STRN: variants seen among roughly 807,000 people sequenced by gnomAD.
The protein encoded by STRN is protein phosphatase 2 regulatory subunit B'''alpha.
In STRN, 53 loss-of-function variants were observed where a neutral mutation model predicts 96.3. That is an observed-to-expected ratio of 0.55 (90% CI 0.44 to 0.69). The LOEUF (loss-of-function observed/expected upper bound fraction) is 0.69, where lower values mean the gene tolerates loss of function less well. Among genes scored for constraint, STRN ranks in the 30% least tolerant of loss-of-function variants. STRN has a pLI of 0.00. For synonymous variants in STRN, 428 were observed against 355.9 expected (o/e 1.20, Z -2.28); for missense variants, 987 against 963.9 (o/e 1.02, Z -0.32).
rs1200197215 is a variant in STRN at position 36,845,817 on chromosome 2, C to A, written c.*3639G>T. The A allele has an allele frequency of 6.6e-6, 1 of 151,046 alleles. No homozygotes were observed. Among genetic ancestry groups the A allele is most frequent in the African/African-American group, 2.4e-5 (1 of 41,052 alleles). 9.4% of individuals were successfully genotyped at this position (151,046 alleles called of 1,614,324 possible). On this transcript the variant is annotated 3_prime_UTR_variant, in exon 18 of 18. Coordinates refer to ENST00000263918, the MANE Select transcript of STRN (RefSeq NM_003162.4). ...AGCGCATGAAATGTCCCCTGAAGTC[C>A]TAGAAGTTGAGCAGATACATTAAAA...
intron 1 of STRN, among the ~76,000 whole-genome samples, chr2:36,937,719 A>C (rs1670742929): frequency 6.6e-6 from 1 of 151,628 alleles, no homozygotes; most frequent in South Asian, 2.1e-4. Context: ...GGAAATAAGA[A>C]AGAAAAGAAA....
rs1202163319 is a variant in STRN at position 36,839,290 on chromosome 2, C to T, written c.*10166G>A. Among the ~76,000 whole-genome samples, 1 of 152,022 alleles carries T rather than the reference C, an allele frequency of 6.6e-6. No individual in the cohort carries two copies. Among genetic ancestry groups the T allele is most frequent in the Non-Finnish European group, 1.5e-5 (1 of 68,020 alleles). Reference sequence around the variant, plus strand: ...AATATTCCCTATATTTTCACTTGTTCCCCCACCTGGAATGTGCTGCATCAG... The same window carrying T: ...AATATTCCCTATATTTTCACTTGTTTCCCCACCTGGAATGTGCTGCATCAG... On this transcript the variant is annotated 3_prime_UTR_variant, in exon 18 of 18. Coordinates refer to ENST00000263918, the MANE Select transcript of STRN (RefSeq NM_003162.4).
At chr2:36,893,356 AATGACCTTTTTTTT>A (rs1466347434) in intron 7 of STRN, among the ~76,000 whole-genome samples, 4 of 152,224 alleles carry the variant, frequency 2.6e-5, no homozygotes, top group Non-Finnish European at 5.9e-5. Flanking sequence ...GGAAAAATTA[AATGACCTTTTTTTT>A]ATGAGACGGA....
At position 36,853,113 on chromosome 2, in the gene STRN, C is replaced by T. The variant is rs374201577; in HGVS notation, c.1979-2006G>A. Reference sequence around the variant, plus strand: ...TGGAGGTTGCAGTAAGCTGAGATCGCACCACTGCACTCCAGCCTGGGCAAC... The same window carrying T: ...TGGAGGTTGCAGTAAGCTGAGATCGTACCACTGCACTCCAGCCTGGGCAAC... On this transcript the variant is annotated intron_variant, in intron 15 of 17. Transcript: ENST00000263918. Among the ~76,000 whole-genome samples, 30 of 151,904 alleles carry T rather than the reference C, an allele frequency of 2.0e-4. No homozygotes were observed. The East Asian group carries it at 4.5e-3, about 23-fold the overall frequency.
intron 3 of STRN, among the ~76,000 whole-genome samples, chr2:36,915,250 TATATATATATATATATATATATAA>T (rs1232547853): frequency 2.6e-5 from 3 of 115,390 alleles, no homozygotes; most frequent in Non-Finnish European, 5.1e-5. Flanking sequence ...TATATATATA[TATATATATATATATATATATATAA>T]AGCCTCTAGC....
Position 36,878,186 on chromosome 2 carries a change from A to C in STRN, c.1187-159T>G, listed in dbSNP as rs539680631. Among the ~76,000 whole-genome samples, 79 of 152,362 alleles carry C rather than the reference A, an allele frequency of 5.2e-4. 1 individual carries two copies. In the South Asian group the frequency reaches 0.016, roughly 32 times the overall value. ...ATTCAGTGAGCAGAAAATCCTAAAT[A>C]ATTTATTGCTTTTTCCATATCTTAA... On this transcript the variant is annotated intron_variant, in intron 9 of 17. Coordinates refer to ENST00000263918, the MANE Select transcript of STRN (RefSeq NM_003162.4).
intron 3 of STRN, among the ~76,000 whole-genome samples, chr2:36,911,270 G>A (rs564904517): frequency 6.6e-6 from 1 of 152,202 alleles, no homozygotes; most frequent in South Asian, 2.1e-4. Context: ...CATATCTTAG[G>A]TCTTATCATC....
rs1668315116 is a variant in STRN, at chr2:36,855,244, C to T, written c.1946G>A (p.Arg649His). Residue 649 changes from arginine to histidine, a missense_variant, in exon 15 of 18, where the codon CGC becomes CAC. Coordinates refer to ENST00000263918, the MANE Select transcript of STRN (RefSeq NM_003162.4). ...TACATTGGATTCTAAAGTGAGAATGCGTTGTTGTGTTTCCATGTTAAAAAT... is the reference window on the plus strand; with the variant it reads ...TACATTGGATTCTAAAGTGAGAATGTGTTGTTGTGTTTCCATGTTAAAAAT... Reference protein sequence around the residue: ...TSIFNMETQQRILTLESNVDT... With the variant: ...TSIFNMETQQHILTLESNVDT... 8.7e-6 allele frequency: 14 copies of T among 1,613,554 alleles called. No homozygotes were observed. The highest frequency in any genetic ancestry group is 1.6e-4 in the Middle Eastern group (1 of 6,062).
chr2:36,874,421 A>G (rs1048473652), intron 10 of STRN, among the ~76,000 whole-genome samples: 7 of 152,170 alleles, frequency 4.6e-5, no homozygotes, highest in Admixed American at 1.3e-4. Context: ...GGAAGAAGGT[A>G]TAACACACAT....
At chr2:36,934,552 A>T (rs189341135) in intron 1 of STRN, among the ~76,000 whole-genome samples, 1 of 152,210 alleles carries the variant, frequency 6.6e-6, no homozygotes, top group Non-Finnish European at 1.5e-5. Context: ...AACCAACATG[A>T]TTATCTGTTG....
chr2:36,912,073 T>G (rs183523066), intron 3 of STRN, among the ~76,000 whole-genome samples: 1 of 152,194 alleles, frequency 6.6e-6, no homozygotes, highest in Non-Finnish European at 1.5e-5. Context: ...TTAACCTAAC[T>G]TCCTACATTC....
intron 6 of STRN, among the ~76,000 whole-genome samples, chr2:36,895,087 G>A (rs1282942215): frequency 1.3e-5 from 2 of 152,140 alleles, no homozygotes; most frequent in South Asian, 2.1e-4. Context: ...CAGCACTTTG[G>A]GAGGCCGAGG....
At chr2:36,922,518 CAAAAA>C (rs749446955) in intron 2 of STRN, among the ~76,000 whole-genome samples, 3 of 91,154 alleles carry the variant, frequency 3.3e-5, no homozygotes, top group Non-Finnish European at 4.3e-5. Context: ...GACCCTGTCT[CAAAAA>C]AAAAAAAAAA....
In STRN at chr2:36,849,567, G is replaced by C; in HGVS notation, c.2232C>G (p.Phe744Leu). 1.9e-6 allele frequency: 3 copies of C among 1,613,978 alleles called. No homozygotes were observed. The highest frequency in any genetic ancestry group is 2.5e-6 in the Non-Finnish European group (3 of 1,179,976). Residue 744 changes from phenylalanine (F) to leucine (L), a missense_variant, in exon 18 of 18, where the codon TTC (phenylalanine) becomes TTG (leucine). Coordinates refer to ENST00000263918, the MANE Select transcript of STRN (RefSeq NM_003162.4). ...NLESKTCIQE[F>L]TAHRKKFEES... ...CTTCAAACTTTTTTCGATGAGCTGT[G>C]AATTCTTGGATACACGTCTTACTTT...
In STRN at chr2:36,838,972, T is replaced by C; in HGVS notation, c.*10484A>G. On this transcript the variant is annotated 3_prime_UTR_variant, in exon 18 of 18. Coordinates refer to ENST00000263918, the MANE Select transcript of STRN (RefSeq NM_003162.4). ...GATAAATTTGAGAGACCTTTAAAAATTTGTAAGGTGCTCATGATACACATT... is the reference window on the plus strand; with the variant it reads ...GATAAATTTGAGAGACCTTTAAAAACTTGTAAGGTGCTCATGATACACATT... Among the ~76,000 whole-genome samples, 1 of 152,138 alleles carries C rather than the reference T, an allele frequency of 6.6e-6. No individual in the cohort carries two copies. Among genetic ancestry groups the C allele is most frequent in the East Asian group, 1.9e-4 (1 of 5,202 alleles).
rs775458351 is a variant in STRN at position 36,877,894 on chromosome 2, A to G, written c.1320T>C (p.Tyr440=). ...CAAAAACAAAACTACTACTTACATC[A>G]TAAGTTAGTGAGTCTGCTTCATTGG... ...TVANEADSLT[Y]DIANNKDALR... is the part of the protein sequence containing the mutation. The change falls in exon 10 of 18, where the codon TAT becomes TAC. Residue 440 remains tyrosine (Y), a synonymous_variant. Transcript: ENST00000263918. 13 of 1,613,606 alleles carry G rather than the reference A, an allele frequency of 8.1e-6. No homozygotes were observed. Among genetic ancestry groups the G allele is most frequent in the East Asian group, 2.2e-5 (1 of 44,890 alleles).
chr2:36,850,621 A>C lies in STRN; in HGVS notation c.2086+379T>G, dbSNP rs1231593392. On this transcript the variant is annotated intron_variant, in intron 16 of 17. Transcript: ENST00000263918. ...CAATAACTGAACAACTTTAAACAAA[A>C]TATAATGACCATATGCCTCTATTTC... 2.0e-5 allele frequency among the ~76,000 whole-genome samples: 3 copies of C among 152,242 alleles called. No individual in the cohort carries two copies. In the East Asian group the frequency reaches 5.8e-4, roughly 29 times the overall value.
intron 3 of STRN, among the ~76,000 whole-genome samples, chr2:36,910,473 C>A (rs548238892): frequency 6.6e-6 from 1 of 151,902 alleles, no homozygotes; most frequent in Non-Finnish European, 1.5e-5. Context: ...AGAGGAGAAA[C>A]GGAAGTACAC....
chr2:36,939,787 T>C (rs1286657694), intron 1 of STRN, among the ~76,000 whole-genome samples: 4 of 152,098 alleles, frequency 2.6e-5, no homozygotes, highest in Non-Finnish European at 4.4e-5. Flanking sequence ...TAAAAGTAAA[T>C]AAAACAGGTT....
Sources: allele counts gnomAD v4.1 joint callset (sites outside exome capture counted in the v4.1 genomes callset), GRCh38; gene constraint gnomAD v4.1.1; transcripts MANE v1.5; gene names NCBI Gene and HGNC (gene_info 2026-07-23, HGNC 2026-07-21).